The following PACRG variants were observed in gnomAD, a reference collection of about 807,000 sequenced individuals.
PACRG encodes parkin coregulated, also known as parkin coregulated gene protein.
In PACRG, 29 loss-of-function variants were observed where a neutral mutation model predicts 29.7. The observed-to-expected ratio is 0.98, with a 90% confidence interval of 0.73 to 1.33. The LOEUF (loss-of-function observed/expected upper bound fraction) is 1.33. Ranked by LOEUF, PACRG falls within the 40% of genes most tolerant of loss-of-function variation. The pLI, the probability that PACRG is intolerant of heterozygous loss-of-function variation, is 0.00. For missense variants in PACRG, 279 were observed against 316.2 expected (o/e 0.88, Z 0.89); for synonymous variants, 116 against 118.7 (o/e 0.98, Z 0.15).
At chr6:162,730,448 G>T (rs1779674884) in intron 1 of PACRG, among the ~76,000 whole-genome samples, 1 of 152,060 alleles carries the variant, frequency 6.6e-6, no homozygotes, top group Admixed American at 6.5e-5. Flanking sequence ...TTTCCAGTTA[G>T]ATAAGTCAAC....
intron 2 of PACRG, among the ~76,000 whole-genome samples, chr6:162,905,211 C>T (rs1213796105): frequency 2.0e-5 from 3 of 152,092 alleles, no homozygotes; most frequent in Non-Finnish European, 4.4e-5. Flanking sequence ...GTTGAGGATG[C>T]ATTAGGCTTG....
chr6:163,284,502 T>G (rs1784327122), intron 4 of PACRG, among the ~76,000 whole-genome samples: 1 of 152,266 alleles, frequency 6.6e-6, no homozygotes, highest in Admixed American at 6.5e-5. Context: ...AGAAAATTGC[T>G]CATTAAAGCT....
At chr6:163,004,711 T>TGTGTGC (rs1804886868) in intron 2 of PACRG, among the ~76,000 whole-genome samples, 2 of 132,444 alleles carry the variant, frequency 1.5e-5, no homozygotes, top group Admixed American at 1.4e-4. Context: ...AGTGTGTGTG[T>TGTGTGC]GTGTGTGTGT....
At chr6:162,841,242 G>A (rs1157216535) in intron 2 of PACRG, among the ~76,000 whole-genome samples, 1 of 139,684 alleles carries the variant, frequency 7.2e-6, no homozygotes, top group Non-Finnish European at 1.5e-5. Flanking sequence ...TTTTTGGTTG[G>A]TAAACTATTG....
chr6:162,727,551 C>T (rs114231735), upstream of PACRG: 3,469 of 1,213,244 alleles, frequency 2.9e-3, 66 homozygotes, highest in African/African-American at 0.044. Flanking sequence ...GCACTTTGGC[C>T]CCGTCATTGA....
intron 2 of PACRG, among the ~76,000 whole-genome samples, chr6:163,001,839 G>T (rs986520372): frequency 1.3e-5 from 2 of 152,092 alleles, no homozygotes; most frequent in Non-Finnish European, 2.9e-5. Flanking sequence ...AGCCTAATGT[G>T]CCAAGACAGA....
At chr6:162,736,936 T>A (rs1406865982) in intron 1 of PACRG, among the ~76,000 whole-genome samples, 1 of 152,200 alleles carries the variant, frequency 6.6e-6, no homozygotes, top group Non-Finnish European at 1.5e-5. Flanking sequence ...TTACTTTGTC[T>A]TTCACTTAGG....
chr6:162,941,665 T>C (rs1302263431), intron 2 of PACRG, among the ~76,000 whole-genome samples: 1 of 152,236 alleles, frequency 6.6e-6, no homozygotes, highest in Non-Finnish European at 1.5e-5. Context: ...ACTTTCTTTT[T>C]TTATGTTAAT....
chr6:163,257,826 T>C (rs1262983270), intron 4 of PACRG, among the ~76,000 whole-genome samples: 1 of 152,212 alleles, frequency 6.6e-6, no homozygotes, highest in Non-Finnish European at 1.5e-5. Flanking sequence ...GGGGTTGATA[T>C]TGTGGACAGG....
chr6:162,784,110 G>C (rs1218888279), intron 1 of PACRG, among the ~76,000 whole-genome samples: 1 of 152,156 alleles, frequency 6.6e-6, no homozygotes, highest in African/African-American at 2.4e-5. Flanking sequence ...CTAAGAACAA[G>C]ATGAAATCTT....
At chr6:162,855,529 AGAGT>A (rs954814809) in intron 2 of PACRG, among the ~76,000 whole-genome samples, 1 of 152,244 alleles carries the variant, frequency 6.6e-6, no homozygotes, top group Non-Finnish European at 1.5e-5. Context: ...GAAGAAATAC[AGAGT>A]GAGGGACTTA....
At chr6:162,942,352 A>G (rs1237349690) in intron 2 of PACRG, among the ~76,000 whole-genome samples, 1 of 152,124 alleles carries the variant, frequency 6.6e-6, no homozygotes, top group Admixed American at 6.5e-5. Context: ...CTCAAATAAC[A>G]AAGTTTATTA....
intron 4 of PACRG, among the ~76,000 whole-genome samples, chr6:163,269,959 G>GAAAGAAAGAAAGAAAAC (rs1783745100): frequency 1.7e-5 from 1 of 57,898 alleles, no homozygotes; most frequent in African/African-American, 9.7e-5. Context: ...AAGAAAGAAA[G>GAAAGAAAGAAAGAAAAC]AAAGAAAGAA....
At chr6:162,981,793 T>C (rs1474289402) in intron 2 of PACRG, among the ~76,000 whole-genome samples, 2 of 151,840 alleles carry the variant, frequency 1.3e-5, no homozygotes, top group African/African-American at 2.4e-5. Flanking sequence ...ATTTTATTTA[T>C]TTTGGAGCTG....
chr6:162,943,318 C>A (rs569644632), intron 2 of PACRG, among the ~76,000 whole-genome samples: 3 of 152,188 alleles, frequency 2.0e-5, no homozygotes, highest in African/African-American at 4.8e-5. Context: ...TAGCTGCCAT[C>A]GCTGCTGGCT....
intron 4 of PACRG, chr6:163,310,362 G>C (rs1785363071): frequency 6.6e-6 from 1 of 152,244 alleles, no homozygotes; most frequent in African/African-American, 2.4e-5. Context: ...TACTTCCATG[G>C]AGGAGAAAGT....
rs78319394 is a variant in PACRG, at chr6:162,858,978, G to A, written c.291+44697G>A. On this transcript the variant is annotated intron_variant, in intron 2 of 4. Coordinates refer to ENST00000366888, the MANE Select transcript of PACRG (RefSeq NM_001080379.2). ...ACAGAGACCCTCCTGCTTCTGCGGC[G>A]TTTTCCATTTTCTTGAGCTTAAAAC... 3.9e-3 allele frequency among the ~76,000 whole-genome samples: 587 copies of A among 152,204 alleles called. 6 individuals are homozygous for A. Among genetic ancestry groups the A allele is most frequent in the African/African-American group, 0.014 (566 of 41,534 alleles).
chr6:162,844,877 C>G (rs551072533), intron 2 of PACRG, among the ~76,000 whole-genome samples: 2 of 152,232 alleles, frequency 1.3e-5, no homozygotes, highest in South Asian at 4.2e-4. Flanking sequence ...TCCATCATGG[C>G]TAGAAGCAGA....
At chr6:162,900,650 C>T (rs920020012) in intron 2 of PACRG, among the ~76,000 whole-genome samples, 2 of 152,116 alleles carry the variant, frequency 1.3e-5, no homozygotes, top group South Asian at 4.1e-4. Flanking sequence ...CATCTCTTGC[C>T]GTCTTTCTTA....
Sources: allele counts gnomAD v4.1 joint callset (sites outside exome capture counted in the v4.1 genomes callset), GRCh38; gene constraint gnomAD v4.1.1; transcripts MANE v1.5; gene names NCBI Gene and HGNC (gene_info 2026-07-23, HGNC 2026-07-21).